MGAT4B: variants seen among roughly 807,000 people sequenced by gnomAD.
The protein encoded by MGAT4B is alpha-1,3-mannosyl-glycoprotein 4-beta-N-acetylglucosaminyltransferase B.
In MGAT4B, 38 loss-of-function variants were observed where a neutral mutation model predicts 73.9. The observed-to-expected ratio is 0.51, with a 90% CI of 0.40 to 0.67. The LOEUF (loss-of-function observed/expected upper bound fraction) is 0.67. MGAT4B is among the 30% of genes least tolerant of loss of function. The pLI is 0.00. For missense variants in MGAT4B, 686 were observed against 735.2 expected, an observed-to-expected ratio of 0.93 and a Z score of 0.77; for synonymous variants, 373 against 313.5, an observed-to-expected ratio of 1.19 and a Z score of -2.01.
At position 179,801,537 on chromosome 5, in the gene MGAT4B, CCT is replaced by C. The variant is rs1202708641; in HGVS notation, c.424+15_424+16del. 43 of 1,605,770 alleles carry C rather than the reference CCT, an allele frequency of 2.7e-5. No individual in the cohort carries two copies. The highest frequency in any genetic ancestry group is 3.7e-5 in the Non-Finnish European group (43 of 1,175,466). On this transcript the variant is annotated intron_variant, in intron 3 of 14. Coordinates refer to ENST00000292591, the MANE Select transcript of MGAT4B (RefSeq NM_014275.5). The surrounding 1 kb of genome is among the most constrained non-coding windows in gnomAD (Gnocchi z 4.8). ...CCCGTCCCCCCACCCCGTGCTCCTC[CCT>C]GTCTGCGCCCATACCTCCGGTGCGG...
intron 1 of MGAT4B, among the ~76,000 whole-genome samples, chr5:179,805,783 C>G (rs1221366548): frequency 1.3e-5 from 2 of 152,236 alleles, no homozygotes; most frequent in Non-Finnish European, 2.9e-5. Context: ...TCCGAGGGCT[C>G]AGGCCCTACT....
Position 179,797,934 on chromosome 5 carries a change from G to A in MGAT4B, c.*111C>T. On this transcript the variant is annotated 3_prime_UTR_variant, in exon 15 of 15. Coordinates refer to ENST00000292591, the MANE Select transcript of MGAT4B (RefSeq NM_014275.5). Reference sequence around the variant, plus strand: ...CAGGCCGGCCCAAGCCCGACGCCAGGCAGAACCCTTTGGGCGGGGCCGTAT... The same window carrying A: ...CAGGCCGGCCCAAGCCCGACGCCAGACAGAACCCTTTGGGCGGGGCCGTAT... The A allele has an allele frequency of 2.7e-6, 4 of 1,454,632 alleles. No homozygotes were observed. Among genetic ancestry groups the A allele is most frequent in the Non-Finnish European group, 3.8e-6 (4 of 1,063,544 alleles). The allele number at this position is 1,454,632 out of a possible 1,614,324, so 90.1% of individuals were successfully genotyped here.
intron 1 of MGAT4B, chr5:179,803,841 TC>T: frequency 6.5e-6 from 1 of 153,076 alleles, no homozygotes; most frequent in Non-Finnish European, 1.5e-5. Flanking sequence ...CTGGGCAGCC[TC>T]CCCCGCCTGC....
At chr5:179,800,763 T>C (rs1169935087) in intron 5 of MGAT4B, 144 bp downstream of exon 5, 10 of 1,060,692 alleles carry the variant, frequency 9.4e-6, no homozygotes, top group South Asian at 1.4e-5. Context: ...GGGCCACTTC[T>C]GCACACCCAC....
chr5:179,800,857 C>A, intron 5 of MGAT4B, 50 bp downstream of exon 5: 2 of 1,597,576 alleles, frequency 1.3e-6, no homozygotes, highest in Non-Finnish European at 1.7e-6. Context: ...AGCACAACAC[C>A]CCGCACCGAG....
rs199906848 is a variant in MGAT4B, at chr5:179,799,074, C to T, written c.1197G>A (p.Pro399=). Reference sequence around the variant, plus strand: ...TCAGGCTCGTGCTCACCTCTGCTGGCGGGTTCACATGCTCCTTCCGCAGCG... The same window carrying T: ...TCAGGCTCGTGCTCACCTCTGCTGGTGGGTTCACATGCTCCTTCCGCAGCG... The part of the protein sequence containing the change: ...KQALRKEHVN[P]PAEVSTSLKT... Residue 399 remains proline, a synonymous_variant, in exon 11 of 15, where the codon CCG becomes CCA. Coordinates refer to ENST00000292591, the MANE Select transcript of MGAT4B (RefSeq NM_014275.5). 5.3e-5 allele frequency: 85 copies of T among 1,613,934 alleles called. No individual in the cohort carries two copies. The highest frequency in any genetic ancestry group is 2.9e-4 in the East Asian group (13 of 44,890).
rs1205662340 is a variant in MGAT4B, at chr5:179,806,443, C to A, written c.97+44G>T. On this transcript the variant is annotated intron_variant, in intron 1 of 14. Transcript: ENST00000292591. This position sits in a 1 kb window ranked among gnomAD's most constrained non-coding sequence, Gnocchi z 4.6. ...CCGCCGGGCCCGCTCCCGCCGCCGACGCCCAGGTGCGCCAGGTGCGGGCCG... is the reference window on the plus strand; with the variant it reads ...CCGCCGGGCCCGCTCCCGCCGCCGAAGCCCAGGTGCGCCAGGTGCGGGCCG... 1.7e-6 allele frequency: 2 copies of A among 1,158,884 alleles called. No homozygotes were observed. Among genetic ancestry groups the A allele is most frequent in the Non-Finnish European group, 2.2e-6 (2 of 920,224 alleles). 71.8% of individuals were successfully genotyped at this position (1,158,884 alleles called of 1,614,324 possible). A position where few individuals can be genotyped will look rare whatever the true frequency, so the allele number is the denominator to read the frequency against.
intron 1 of MGAT4B, among the ~76,000 whole-genome samples, chr5:179,803,967 A>T (rs930799187): frequency 6.6e-6 from 1 of 152,220 alleles, no homozygotes; most frequent in African/African-American, 2.4e-5. Flanking sequence ...CTGGCACCCT[A>T]TAACCCTCGG....
At chr5:179,804,034 C>T (rs1757047547) in intron 1 of MGAT4B, among the ~76,000 whole-genome samples, 1 of 152,240 alleles carries the variant, frequency 6.6e-6, no homozygotes, top group Admixed American at 6.5e-5. Flanking sequence ...CCCTGCCACA[C>T]TTTCTTGCCT....
Position 179,800,843 on chromosome 5 carries a change from T to C in MGAT4B, c.605+64A>G, listed in dbSNP as rs919417304. On this transcript the variant is annotated intron_variant, in intron 5 of 14. Coordinates refer to ENST00000292591, the MANE Select transcript of MGAT4B (RefSeq NM_014275.5). ...ACTATCTCATGGGGAGGCAGGAACC[T>C]GCCAGCACAACACCCCGCACCGAGC... is the stretch of plus-strand genomic sequence containing the variant. 22 of 1,565,348 alleles carry C rather than the reference T, an allele frequency of 1.4e-5. No individual in the cohort carries two copies. The Admixed American group carries it at 2.4e-4, about 17-fold the overall frequency.
In MGAT4B at chr5:179,799,056, C is replaced by T. The variant is rs759417044; in HGVS notation, c.1215G>A (p.Thr405=). 2.3e-5 allele frequency: 37 copies of T among 1,613,874 alleles called. No homozygotes were observed. The highest frequency in any genetic ancestry group is 1.3e-4 in the East Asian group (6 of 44,892). Residue 405 remains threonine (T), a synonymous_variant, in exon 11 of 15, where the codon ACG becomes ACA. Transcript: ENST00000292591. ...EHVNPPAEVS[T]SLKTYQHFTL... is the part of the protein sequence containing the mutation. ...TGAAGTGCTGGTATGTCTTCAGGCT[C>T]GTGCTCACCTCTGCTGGCGGGTTCA...
At chr5:179,802,302 A>G (rs1228051690) in intron 1 of MGAT4B, 1 of 1,379,064 alleles carries the variant, frequency 7.3e-7, no homozygotes, top group Non-Finnish European at 9.3e-7. Flanking sequence ...CTCAGACTGA[A>G]TCCGCTCCAT....
Position 179,801,289 on chromosome 5 carries a change from G to C in MGAT4B, c.558+45C>G. The stretch of plus-strand genomic sequence containing the variant: ...TCCTGCTGTCAGTTCTGCACCGCGG[G>C]GGCTCCTCTGAATGTCCCCCAACCC... On this transcript the variant is annotated intron_variant, in intron 4 of 14. Coordinates refer to ENST00000292591, the MANE Select transcript of MGAT4B (RefSeq NM_014275.5). This position sits in a 1 kb window ranked among gnomAD's most constrained non-coding sequence, Gnocchi z 4.8. The C allele has an allele frequency of 1.3e-6, 2 of 1,576,844 alleles. No individual in the cohort carries two copies. Among genetic ancestry groups the C allele is most frequent in the South Asian group, 2.3e-5 (2 of 88,372 alleles).
chr5:179,800,897 C>T lies in MGAT4B; in HGVS notation c.605+10G>A. 2 of 1,613,392 alleles carry T rather than the reference C, an allele frequency of 1.2e-6. No homozygotes were observed. Among genetic ancestry groups the T allele is most frequent in the Non-Finnish European group, 1.7e-6 (2 of 1,179,892 alleles). On this transcript the variant is annotated intron_variant, in intron 5 of 14. Coordinates refer to ENST00000292591, the MANE Select transcript of MGAT4B (RefSeq NM_014275.5). The stretch of plus-strand genomic sequence containing the variant: ...CCCGCCACCAGCTCTCTGGGGTCGC[C>T]AGTACTCACAAGGCCTTGATGTTCT...
intron 1 of MGAT4B, chr5:179,805,280 T>G (rs1045695725): frequency 3.9e-5 from 6 of 152,302 alleles, no homozygotes; most frequent in African/African-American, 1.4e-4. Flanking sequence ...TGGCCCCACC[T>G]AGGCCTTCAT....
intron 1 of MGAT4B, chr5:179,802,820 G>GC: frequency 1.0e-6 from 1 of 985,542 alleles, no homozygotes; most frequent in Non-Finnish European, 1.2e-6. Flanking sequence ...GTGGCTCGGT[G>GC]CCCACAGTCC....
intron 5 of MGAT4B, 101 bp from the exon 6 acceptor site, chr5:179,800,698 C>T (rs1756879884): frequency 2.8e-6 from 3 of 1,054,962 alleles, no homozygotes; most frequent in African/African-American, 1.6e-5. Context: ...CCAGTGCCAG[C>T]CCCCCACCAC....
chr5:179,801,464 G>A lies in MGAT4B; in HGVS notation c.428C>T (p.Ser143Leu), dbSNP rs1156998800. 2 of 1,605,032 alleles carry A rather than the reference G, an allele frequency of 1.2e-6. No homozygotes were observed. Among genetic ancestry groups the A allele is most frequent in the Non-Finnish European group, 1.7e-6 (2 of 1,173,908 alleles). The change falls in exon 4 of 15, where the codon TCG (serine) becomes TTG (leucine). Residue 143 changes from serine (S) to leucine (L), a missense_variant. Ser to Leu is a moderately radical substitution (Grantham distance 145, BLOSUM62 -2). Transcript: ENST00000292591. The surrounding 1 kb of genome is among the most constrained non-coding windows in gnomAD (Gnocchi z 4.8). ...CACGCTCGGGATGCCCATCACCACC[G>A]ACACTATGGGGGACGGAGGCCCGAC... Reference protein sequence around the residue: ...VRVGQGRTGVSVVMGIPSVRR... With the variant: ...VRVGQGRTGVLVVMGIPSVRR...
rs1309365033 is a variant in MGAT4B, at chr5:179,801,712, G to A, written c.284-18C>T. 1 of 1,603,730 alleles carries A rather than the reference G, an allele frequency of 6.2e-7. No homozygotes were observed. Among genetic ancestry groups the A allele is most frequent in the East Asian group, 2.3e-5 (1 of 44,426 alleles). On this transcript the variant is annotated intron_variant, in intron 2 of 14. Transcript: ENST00000292591. This position sits in a 1 kb window ranked among gnomAD's most constrained non-coding sequence, Gnocchi z 4.8. ...GGGGTCCTCTGGGTGGGTCGGGAAGGATCGGGACTGAGACCAGGGAACCTA... is the reference window on the plus strand; with the variant it reads ...GGGGTCCTCTGGGTGGGTCGGGAAGAATCGGGACTGAGACCAGGGAACCTA...
Sources: allele counts gnomAD v4.1 joint callset (sites outside exome capture counted in the v4.1 genomes callset), GRCh38; gene constraint gnomAD v4.1.1; non-coding constraint Gnocchi (gnomAD v3.1); transcripts MANE v1.5; gene names NCBI Gene and HGNC (gene_info 2026-07-23, HGNC 2026-07-21).